TLK1: variants seen among roughly 807,000 people sequenced by gnomAD.
TLK1 encodes the protein tousled like kinase 1.
In TLK1, 24 loss-of-function variants were observed where a neutral mutation model predicts 105.3. The ratio of observed to expected loss-of-function variants is 0.23; its 90% CI spans 0.17 to 0.32. The LOEUF (loss-of-function observed/expected upper bound fraction) is 0.32. Ranked by LOEUF, TLK1 falls within the 10% of genes least tolerant of loss-of-function variation. TLK1 has a pLI of 1.00. For missense variants in TLK1, 558 were observed against 910.5 expected, an observed-to-expected ratio of 0.61 and a Z score of 4.98; for synonymous variants, 321 against 310.4, an observed-to-expected ratio of 1.03 and a Z score of -0.36.
chr2:171,106,856 C>A (rs1444987616), intron 2 of TLK1, among the ~76,000 whole-genome samples: 1 of 152,140 alleles, frequency 6.6e-6, no homozygotes, highest in Non-Finnish European at 1.5e-5. Flanking sequence ...ACTTAAAAGA[C>A]AAAAGAGTAA....
At chr2:171,135,313 GTGTGTGTATATATATA>G (rs901137674) in intron 1 of TLK1, among the ~76,000 whole-genome samples, 9 of 55,138 alleles carry the variant, frequency 1.6e-4, no homozygotes, top group African/African-American at 1.2e-3. Flanking sequence ...TTGTGTGTGT[GTGTGTGTATATATATA>G]TATATATATA....
rs958373319 is a variant in TLK1, at chr2:171,148,855, G to A, written c.139+11435C>T. Among the ~76,000 whole-genome samples, 3 of 142,738 alleles carry A rather than the reference G, an allele frequency of 2.1e-5. No individual in the cohort carries two copies. The South Asian group carries it at 7.0e-4, about 34-fold the overall frequency. 93.6% of individuals were successfully genotyped at this position (142,738 alleles called of 152,430 possible). On this transcript the variant is annotated intron_variant, in intron 1 of 20. Coordinates refer to ENST00000431350, the MANE Select transcript of TLK1 (RefSeq NM_012290.5). ...AGATCGTGCCACTACACTCCAGCCT[G>A]GGTAAGAGGGTGAGACTCTGTCTTA... is the stretch of plus-strand genomic sequence containing the variant.
intron 1 of TLK1, among the ~76,000 whole-genome samples, chr2:171,143,070 C>T (rs889406722): frequency 5.9e-5 from 9 of 152,014 alleles, no homozygotes; most frequent in African/African-American, 1.4e-4. Context: ...ATCGAGACTC[C>T]GTCTCTCAAT....
At chr2:171,048,582 A>T (rs1006508886) in intron 10 of TLK1, among the ~76,000 whole-genome samples, 4 of 33,842 alleles carry the variant, frequency 1.2e-4, no homozygotes, top group Non-Finnish European at 4.0e-4. Flanking sequence ...CCGATCACGT[A>T]CACTATATGT....
At chr2:171,214,045 GA>G (rs1053342031) in intron 1 of TLK1, among the ~76,000 whole-genome samples, 157 of 144,582 alleles carry the variant, frequency 1.1e-3, no homozygotes, top group African/African-American at 3.2e-3. Context: ...AATTTTTAAT[GA>G]AAAAAAAAAA....
At chr2:171,106,574 AT>A (rs1426187370) in intron 2 of TLK1, among the ~76,000 whole-genome samples, 1 of 152,116 alleles carries the variant, frequency 6.6e-6, no homozygotes, top group East Asian at 1.9e-4. Flanking sequence ...ATACTGCTCT[AT>A]TTTTCTCTAG....
chr2:171,155,719 T>C (rs781378225), intron 1 of TLK1: 7 of 152,186 alleles, frequency 4.6e-5, no homozygotes, highest in Non-Finnish European at 1.0e-4. Context: ...AACTAACTAC[T>C]TCTTTCCATT....
At chr2:171,227,484 T>A (rs780105502) in intron 1 of TLK1, among the ~76,000 whole-genome samples, 1 of 151,646 alleles carries the variant, frequency 6.6e-6, no homozygotes, top group Non-Finnish European at 1.5e-5. Context: ...TTGACTTATG[T>A]GTACCTGAGT....
intron 1 of TLK1, among the ~76,000 whole-genome samples, chr2:171,217,698 A>G (rs959108818): frequency 3.3e-5 from 5 of 152,266 alleles, no homozygotes; most frequent in Admixed American, 3.3e-4. Flanking sequence ...AGGTTTGCCC[A>G]AAGTCAGAGT....
At chr2:171,140,079 G>A (rs1459109049) in intron 1 of TLK1, among the ~76,000 whole-genome samples, 1 of 152,134 alleles carries the variant, frequency 6.6e-6, no homozygotes, top group Non-Finnish European at 1.5e-5. Context: ...ACCAGTACAG[G>A]TATGCAGCCC....
rs551955691 is a variant in TLK1 at position 170,991,185 on chromosome 2, T to C, written c.*2595A>G. The C allele has an allele frequency of 5.9e-4, 90 of 152,252 alleles. No individual in the cohort carries two copies. The highest frequency in any genetic ancestry group is 1.4e-3 in the African/African-American group (60 of 41,550). 9.4% of individuals were successfully genotyped at this position (152,252 alleles called of 1,614,324 possible). ...CAAAAACTGTTGATTTTACCCTACATCAGTGCTGACTCTTAATAAAAGAGA... is the reference window on the plus strand; with the variant it reads ...CAAAAACTGTTGATTTTACCCTACACCAGTGCTGACTCTTAATAAAAGAGA... On this transcript the variant is annotated 3_prime_UTR_variant, in exon 21 of 21. Transcript: ENST00000431350.
At chr2:170,997,340 C>T (rs1038666433) in intron 19 of TLK1, among the ~76,000 whole-genome samples, 26 of 152,028 alleles carry the variant, frequency 1.7e-4, no homozygotes, top group Admixed American at 6.6e-4. Flanking sequence ...TGATGAGCAA[C>T]GGGGAAACTG....
rs371437717 is a variant in TLK1, at chr2:171,160,458, C to A, written c.-30G>T. 6.3e-6 allele frequency: 10 copies of A among 1,583,364 alleles called. No homozygotes were observed. Among genetic ancestry groups the A allele is most frequent in the African/African-American group, 1.4e-5 (1 of 72,326 alleles). On this transcript the variant is annotated 5_prime_UTR_variant, in exon 1 of 21. Coordinates refer to ENST00000431350, the MANE Select transcript of TLK1 (RefSeq NM_012290.5). This position sits in a 1 kb window ranked among gnomAD's most constrained non-coding sequence, Gnocchi z 4.4. ...CTACTTTCTGGGAACCCGACTCCCC[C>A]CCTGCGACGGCAGCGGCGGCAACGG... is the stretch of plus-strand genomic sequence containing the variant.
At chr2:171,195,589 A>G (rs761267037) in intron 1 of TLK1, among the ~76,000 whole-genome samples, 22 of 151,978 alleles carry the variant, frequency 1.4e-4, no homozygotes, top group Admixed American at 2.0e-4. Context: ...ATAATGAAGT[A>G]TGTCCTTGTC....
At chr2:171,103,712 A>G (rs1689796154) in intron 2 of TLK1, among the ~76,000 whole-genome samples, 1 of 152,058 alleles carries the variant, frequency 6.6e-6, no homozygotes, top group Non-Finnish European at 1.5e-5. Context: ...CTTCCATCTT[A>G]TATAATAGCA....
At chr2:171,105,393 A>T (rs1188928523) in intron 2 of TLK1, among the ~76,000 whole-genome samples, 1 of 152,240 alleles carries the variant, frequency 6.6e-6, no homozygotes, top group African/African-American at 2.4e-5. Context: ...AGGTATATTT[A>T]AAAAATGCTT....
At position 171,006,505 on chromosome 2, in the gene TLK1, T is replaced by G. The variant is rs1684662043; in HGVS notation, c.1737A>C (p.Lys579Asn). ...TAAGATCATAATGTATAATAGGGGG[T>G]TTGATCTCATTGAGATATCTTAGTG... ...VNALRYLNEIKPPIIHYDLKP... is the reference protein window; with the variant it reads ...VNALRYLNEINPPIIHYDLKP... The change falls in exon 17 of 21, where the codon AAA (lysine) becomes AAC (asparagine). Residue 579 changes from lysine (K) to asparagine (N), a missense_variant. Around this residue, in one of 5 missense-constraint regions of TLK1, gnomAD observed 218 missense variants for 492.9 expected, o/e 0.44. Coordinates refer to ENST00000431350, the MANE Select transcript of TLK1 (RefSeq NM_012290.5). 2.5e-6 allele frequency: 4 copies of G among 1,611,926 alleles called. No homozygotes were observed. Among genetic ancestry groups the G allele is most frequent in the Non-Finnish European group, 3.4e-6 (4 of 1,179,324 alleles).
intron 1 of TLK1, among the ~76,000 whole-genome samples, chr2:171,152,971 G>A (rs2105600242): frequency 6.6e-6 from 1 of 152,224 alleles, no homozygotes; most frequent in East Asian, 1.9e-4. Flanking sequence ...TGGGTTGTTT[G>A]GTTGGGGTTT....
At chr2:171,175,410 C>T (rs1311644113) in intron 1 of TLK1, among the ~76,000 whole-genome samples, 1 of 152,104 alleles carries the variant, frequency 6.6e-6, no homozygotes, top group Non-Finnish European at 1.5e-5. Context: ...CAACTATTTA[C>T]AGAGCATTTA....
Sources: gnomAD v4.1 joint callset for allele counts (sites outside exome capture counted in the v4.1 genomes callset) on GRCh38, gnomAD v4.1.1 for gene constraint, gnomAD v4.1.1 regional missense constraint, Gnocchi (gnomAD v3.1) non-coding constraint, MANE v1.5 for transcripts, NCBI Gene and HGNC (gene_info 2026-07-23, HGNC 2026-07-21) for gene names.